Variants in RNF7 observed in about 807,000 individuals in gnomAD.
The protein encoded by RNF7 is RING-box protein 2.
A neutral mutation model predicts 17.0 loss-of-function variants in RNF7; 9 were observed. That is an observed-to-expected ratio of 0.53 (90% CI 0.32 to 0.92). The LOEUF (loss-of-function observed/expected upper bound fraction) is 0.92, where lower values mean the gene tolerates loss of function less well. Among genes scored for constraint, RNF7 ranks in the 40% least tolerant of loss-of-function variants. The pLI is 0.04. For synonymous variants in RNF7, 59 were observed against 50.5 expected, an observed-to-expected ratio of 1.17 and a Z score of -0.72; for missense variants, 87 against 145.8, an observed-to-expected ratio of 0.60 and a Z score of 2.08.
intron 2 of RNF7, among the ~76,000 whole-genome samples, chr3:141,744,034 G>A (rs2084446893): frequency 6.6e-6 from 1 of 152,100 alleles, no homozygotes; most frequent in African/African-American, 2.4e-5. Context: ...TAGAGTCTTA[G>A]ACTACAAAAG....
intron 1 of RNF7, among the ~76,000 whole-genome samples, chr3:141,740,491 AT>A (rs963774428): frequency 3.3e-5 from 5 of 152,216 alleles, no homozygotes; most frequent in African/African-American, 9.7e-5. Flanking sequence ...TATAGCAAGT[AT>A]TCTGCTACTA....
intron 1 of RNF7, chr3:141,742,642 A>G: frequency 8.6e-7 from 1 of 1,160,000 alleles, no homozygotes; most frequent in Non-Finnish European, 1.1e-6. Context: ...CCTTTTTTAC[A>G]GATGAGGGAA....
intron 1 of RNF7, chr3:141,742,561 T>A: frequency 4.6e-6 from 5 of 1,092,826 alleles, no homozygotes; most frequent in Non-Finnish European, 4.9e-6. Context: ...AGTATTTACT[T>A]ATTTTATCTG....
chr3:141,743,547 G>T lies in RNF7; in HGVS notation c.214G>T (p.Asp72Tyr). 1.2e-6 allele frequency: 2 copies of T among 1,610,496 alleles called. No homozygotes were observed. The change falls in exon 2 of 3, where the codon GAC (aspartate) becomes TAC (tyrosine). Residue 72 changes from aspartate (D) to tyrosine (Y), a missense_variant. Around this residue, in one of 2 missense-constraint regions of RNF7, gnomAD observed 36 missense variants for 104.7 expected, o/e 0.34. Coordinates refer to ENST00000273480, the MANE Select transcript of RNF7 (RefSeq NM_014245.5). ...ATGTCAAGCTGAAAACAAACAAGAG[G>T]ACTGTGTTGGTATGTTGTAATTTTG... is the stretch of plus-strand genomic sequence containing the variant. ...LRCQAENKQE[D>Y]CVVVWGECNH...
chr3:141,742,634 T>C (rs1426434388), intron 1 of RNF7: 3 of 1,170,870 alleles, frequency 2.6e-6, no homozygotes, highest in Non-Finnish European at 3.4e-6. Context: ...GTATTGTCCC[T>C]TTTTTACAGA....
chr3:141,741,014 T>C (rs1451689685), intron 1 of RNF7, among the ~76,000 whole-genome samples: 1 of 152,226 alleles, frequency 6.6e-6, no homozygotes, highest in Non-Finnish European at 1.5e-5. Context: ...GATTACACAG[T>C]GAGCAAGTGC....
intron 1 of RNF7, 36 bp from the exon 2 acceptor site, chr3:141,743,473 G>C: frequency 1.3e-6 from 2 of 1,554,474 alleles, no homozygotes; most frequent in Non-Finnish European, 1.8e-6. Flanking sequence ...TGCATTCTGA[G>C]CATCAGAATG....
rs565138662 is a variant in RNF7 at position 141,746,608 on chromosome 3, G to C, written c.*1331G>C. The C allele has an allele frequency of 7.9e-5, 12 of 152,200 alleles. No individual in the cohort carries two copies. The highest frequency in any genetic ancestry group is 2.1e-4 in the South Asian group (1 of 4,822). The allele number at this position is 152,200 out of a possible 1,614,324, so 9.4% of individuals were successfully genotyped here. On this transcript the variant is annotated 3_prime_UTR_variant, in exon 3 of 3. Transcript: ENST00000273480. The stretch of plus-strand genomic sequence containing the variant: ...GGAGGTTATTTTGTAACAAATAATG[G>C]ACCACAAGTTCATTTTGTATTCTTC...
chr3:141,742,963 T>C (rs1435166220), intron 1 of RNF7: 1 of 957,512 alleles, frequency 1.0e-6, no homozygotes, highest in African/African-American at 1.8e-5. Context: ...TAATTTAATT[T>C]TTTATAAGTT....
chr3:141,739,226 A>G (rs4538350), intron 1 of RNF7, among the ~76,000 whole-genome samples: 9,733 of 152,248 alleles, frequency 0.064, 314 homozygotes, highest in South Asian at 0.11. Context: ...TCAGAAACGT[A>G]AAACTTCACC....
At chr3:141,742,595 A>G in intron 1 of RNF7, 1 of 1,163,830 alleles carries the variant, frequency 8.6e-7, no homozygotes, top group African/African-American at 1.6e-5. Flanking sequence ...AGTTTGTATC[A>G]TCCCCACTTA....
chr3:141,739,604 G>C (rs1247854013), intron 1 of RNF7, among the ~76,000 whole-genome samples: 1 of 152,142 alleles, frequency 6.6e-6, no homozygotes, highest in Non-Finnish European at 1.5e-5. Context: ...GAGAATTGGA[G>C]AACATACAGA....
Position 141,747,337 on chromosome 3 carries a change from T to C in RNF7, c.*2060T>C, listed in dbSNP as rs2084484568. 1.3e-5 allele frequency: 2 copies of C among 152,242 alleles called. No homozygotes were observed. The highest frequency in any genetic ancestry group is 4.8e-5 in the African/African-American group (2 of 41,462). 9.4% of individuals were successfully genotyped at this position (152,242 alleles called of 1,614,324 possible). A position where few individuals can be genotyped will look rare whatever the true frequency, so the allele number is the denominator to read the frequency against. Reference sequence around the variant, plus strand: ...GTTAAGCATCAAACAGGTTTTTCTTTCCATTTGATTAAATGTGCTGATTTT... The same window carrying C: ...GTTAAGCATCAAACAGGTTTTTCTTCCCATTTGATTAAATGTGCTGATTTT... On this transcript the variant is annotated 3_prime_UTR_variant, in exon 3 of 3. Coordinates refer to ENST00000273480, the MANE Select transcript of RNF7 (RefSeq NM_014245.5).
intron 2 of RNF7, among the ~76,000 whole-genome samples, chr3:141,744,443 T>G (rs970919966): frequency 2.6e-5 from 4 of 152,172 alleles, no homozygotes; most frequent in Admixed American, 2.0e-4. Flanking sequence ...GACAGATGAA[T>G]CCCAAATTCG....
chr3:141,741,391 G>C (rs1191035913), intron 1 of RNF7, among the ~76,000 whole-genome samples: 1 of 152,306 alleles, frequency 6.6e-6, no homozygotes, highest in Non-Finnish European at 1.5e-5. Context: ...TCAGGAGGCA[G>C]TGGTTGTTTT....
chr3:141,743,557 G>A lies in RNF7; in HGVS notation c.223+1G>A. On this transcript the variant is annotated splice_donor_variant, in intron 2 of 2. Transcript: ENST00000273480. LOFTEE classifies it high-confidence loss of function. The stretch of plus-strand genomic sequence containing the variant: ...GAAAACAAACAAGAGGACTGTGTTG[G>A]TATGTTGTAATTTTGTTCTCTTGCT... 6.2e-7 allele frequency: 1 copy of A among 1,606,726 alleles called. No homozygotes were observed.
rs745979563 is a variant in RNF7, at chr3:141,743,406, T to A, written c.176-103T>A. On this transcript the variant is annotated intron_variant, in intron 1 of 2. Transcript: ENST00000273480. The stretch of plus-strand genomic sequence containing the variant: ...ATGAGAAATTAATAGTATGAGTCTT[T>A]ATTGCCATCCCTAACCCTTAGGGCT... 59 of 784,526 alleles carry A rather than the reference T, an allele frequency of 7.5e-5. 1 individual carries two copies. Among genetic ancestry groups the A allele is most frequent in the Middle Eastern group, 6.1e-4 (2 of 3,262 alleles). 48.6% of individuals were successfully genotyped at this position (784,526 alleles called of 1,614,324 possible).
At position 141,738,645 on chromosome 3, in the gene RNF7, C is replaced by T. The variant is rs1390734047; in HGVS notation, c.175+129C>T. The T allele has an allele frequency of 6.0e-6, 6 of 1,003,828 alleles. No homozygotes were observed. In the Admixed American group the frequency reaches 9.8e-5, roughly 16 times the overall value. The allele number at this position is 1,003,828 out of a possible 1,614,324, so 62.2% of individuals were successfully genotyped here. The stretch of plus-strand genomic sequence containing the variant: ...CCTGGGAGAGTGGGTGGAGGTCGCC[C>T]TGCCCCGGCGCCGGAGGAACGCGGA... On this transcript the variant is annotated intron_variant, in intron 1 of 2. Coordinates refer to ENST00000273480, the MANE Select transcript of RNF7 (RefSeq NM_014245.5).
In RNF7 at chr3:141,745,597, A is replaced by G; in HGVS notation, c.*320A>G. The G allele has an allele frequency of 6.3e-6, 1 of 158,944 alleles. No homozygotes were observed. Among genetic ancestry groups the G allele is most frequent in the Non-Finnish European group, 1.4e-5 (1 of 72,948 alleles). The allele number at this position is 158,944 out of a possible 1,614,324, so 9.8% of individuals were successfully genotyped here. A position where few individuals can be genotyped will look rare whatever the true frequency, so the allele number is the denominator to read the frequency against. On this transcript the variant is annotated 3_prime_UTR_variant, in exon 3 of 3. Coordinates refer to ENST00000273480, the MANE Select transcript of RNF7 (RefSeq NM_014245.5). ...TCACCTTTATAATTTACCCATTTCT[A>G]TACAACAGGCAGTGGAAGCAGTTTC...
Sources: gnomAD v4.1 joint callset for allele counts (sites outside exome capture counted in the v4.1 genomes callset) on GRCh38, gnomAD v4.1.1 for gene constraint, gnomAD v4.1.1 regional missense constraint, MANE v1.5 for transcripts, NCBI Gene and HGNC (gene_info 2026-07-23, HGNC 2026-07-21) for gene names.